The following TTC28 variants were observed in gnomAD, a reference collection of about 807,000 sequenced individuals.
TTC28 encodes the protein tetratricopeptide repeat domain 28.
In TTC28, 61 loss-of-function variants were observed where a neutral mutation model predicts 198.0. The observed-to-expected ratio is 0.31, with a 90% CI of 0.25 to 0.38. The LOEUF is 0.38. TTC28 is among the 10% of genes least tolerant of loss of function. The probability of loss-of-function intolerance (pLI) is 1.00; values close to 1 mark genes in which losing one functional copy is unlikely to be tolerated. For missense variants in TTC28, 2,678 were observed against 3,164.0 expected, an observed-to-expected ratio of 0.85 and a Z score of 3.69; for synonymous variants, 1,171 against 1,297.8, an observed-to-expected ratio of 0.90 and a Z score of 2.10.
intron 4 of TTC28, 53 bp from the exon 5 acceptor site, chr22:28,296,381 T>C: frequency 7.2e-7 from 1 of 1,386,740 alleles, no homozygotes; most frequent in Non-Finnish European, 9.5e-7. Flanking sequence ...GTTATAATGT[T>C]ATTTATAACA....
chr22:28,188,313 G>T (rs1222772832), intron 5 of TTC28, among the ~76,000 whole-genome samples: 1 of 152,128 alleles, frequency 6.6e-6, no homozygotes, highest in East Asian at 1.9e-4. Context: ...ATGGATAAAT[G>T]GTAGCTAATT....
rs534087458 is a variant in TTC28, at chr22:28,008,535, A to C, written c.4218+5713T>G. The C allele has an allele frequency of 9.8e-5, 15 of 152,372 alleles. No homozygotes were observed. The East Asian group carries it at 2.9e-3, about 29-fold the overall frequency. The allele number at this position is 152,372 out of a possible 1,614,324, so 9.4% of individuals were successfully genotyped here. ...ACCTGTCCTAGAACCTTGGTTTTTAAATTTAAATACAGGAAACAGGGAATT... is the reference window on the plus strand; with the variant it reads ...ACCTGTCCTAGAACCTTGGTTTTTACATTTAAATACAGGAAACAGGGAATT... On this transcript the variant is annotated intron_variant, in intron 14 of 22. Transcript: ENST00000397906.
At chr22:28,126,713 A>C (rs1463479936) in intron 6 of TTC28, among the ~76,000 whole-genome samples, 1 of 152,220 alleles carries the variant, frequency 6.6e-6, no homozygotes, top group African/African-American at 2.4e-5. Context: ...TTAATACTGC[A>C]GATGTCCTGA....
At chr22:28,151,517 C>T (rs1303370113) in intron 6 of TTC28, among the ~76,000 whole-genome samples, 3 of 152,192 alleles carry the variant, frequency 2.0e-5, no homozygotes, top group African/African-American at 4.8e-5. Flanking sequence ...ATCACAGCTC[C>T]TTTTAAATAG....
intron 14 of TTC28, chr22:28,007,401 A>G (rs1375924035): frequency 6.6e-6 from 1 of 152,122 alleles, no homozygotes; most frequent in Non-Finnish European, 1.5e-5. Flanking sequence ...AAAAGCGAAC[A>G]TTCAACCCAT....
chr22:28,555,958 T>G (rs2049778643), intron 2 of TTC28, among the ~76,000 whole-genome samples: 1 of 152,148 alleles, frequency 6.6e-6, no homozygotes, highest in Non-Finnish European at 1.5e-5. Context: ...TTGTTGCTCA[T>G]CATCATATAT....
chr22:28,029,431 G>C (rs1273792768), intron 13 of TTC28, among the ~76,000 whole-genome samples: 2 of 152,196 alleles, frequency 1.3e-5, no homozygotes. Flanking sequence ...CTGTGTTCTA[G>C]GGTCAACCAG....
intron 12 of TTC28, among the ~76,000 whole-genome samples, chr22:28,064,836 A>G (rs1360408352): frequency 6.6e-6 from 1 of 152,192 alleles, no homozygotes; most frequent in African/African-American, 2.4e-5. Context: ...TGGCAACTCC[A>G]GGGAGGAAAA....
At chr22:28,520,685 T>C (rs977971289) in intron 2 of TTC28, among the ~76,000 whole-genome samples, 2 of 152,036 alleles carry the variant, frequency 1.3e-5, no homozygotes, top group East Asian at 3.9e-4. Context: ...TTAAGCCCAG[T>C]AGTTCAAGGC....
intron 12 of TTC28, among the ~76,000 whole-genome samples, chr22:28,057,689 T>C (rs552661620): frequency 2.6e-5 from 4 of 152,312 alleles, no homozygotes; most frequent in African/African-American, 9.6e-5. Flanking sequence ...TCAGAAATAT[T>C]CTCTTCCATG....
Position 28,677,423 on chromosome 22 carries a change from G to A in TTC28, c.102+2199C>T, listed in dbSNP as rs550581939. On this transcript the variant is annotated intron_variant, in intron 1 of 22. Transcript: ENST00000397906. ...GCACTTTGGGAAGACGAGGCAGGTG[G>A]ATCACCAGAGGCCAGGAGTTCCAGA... Among the ~76,000 whole-genome samples the A allele has an allele frequency of 2.0e-4, 30 of 152,106 alleles. 1 individual carries two copies. Among genetic ancestry groups the A allele is most frequent in the African/African-American group, 7.0e-4 (29 of 41,494 alleles).
intron 2 of TTC28, among the ~76,000 whole-genome samples, chr22:28,563,508 A>C (rs1207858724): frequency 6.6e-6 from 1 of 152,194 alleles, no homozygotes; most frequent in Non-Finnish European, 1.5e-5. Context: ...CCAAAGATTA[A>C]TCCAAAGAAG....
chr22:28,578,073 G>T (rs530841484), intron 2 of TTC28, among the ~76,000 whole-genome samples: 1 of 151,768 alleles, frequency 6.6e-6, no homozygotes, highest in East Asian at 1.9e-4. Flanking sequence ...TTTAAGTGAC[G>T]GTGATTTCCT....
intron 2 of TTC28, among the ~76,000 whole-genome samples, chr22:28,430,781 T>G (rs2047418256): frequency 6.6e-6 from 1 of 151,918 alleles, no homozygotes; most frequent in South Asian, 2.1e-4. Flanking sequence ...AGAATAAGCA[T>G]GTAAAAACCT....
intron 1 of TTC28, among the ~76,000 whole-genome samples, chr22:28,660,033 G>A (rs995485747): frequency 3.3e-5 from 5 of 152,016 alleles, no homozygotes; most frequent in Non-Finnish European, 5.9e-5. Context: ...GGGCTCAGGC[G>A]ATCCTCTCAT....
chr22:28,373,209 G>A (rs1206185598), intron 2 of TTC28, among the ~76,000 whole-genome samples: 2 of 151,606 alleles, frequency 1.3e-5, no homozygotes, highest in East Asian at 3.9e-4. Flanking sequence ...AAGATAGAGA[G>A]GAGATAAAAA....
intron 7 of TTC28, among the ~76,000 whole-genome samples, chr22:28,106,515 A>C (rs947471935): frequency 1.3e-5 from 2 of 152,084 alleles, no homozygotes; most frequent in Non-Finnish European, 2.9e-5. Flanking sequence ...GTAATACAAA[A>C]CTGTTAAAAC....
chr22:28,663,409 C>G (rs1371878836), intron 1 of TTC28, among the ~76,000 whole-genome samples: 1 of 148,778 alleles, frequency 6.7e-6, no homozygotes, highest in East Asian at 2.0e-4. Context: ...CTAGGGAGTG[C>G]CAGACAGTGG....
At chr22:28,511,411 G>A (rs892751614) in intron 2 of TTC28, among the ~76,000 whole-genome samples, 1 of 152,164 alleles carries the variant, frequency 6.6e-6, no homozygotes, top group Non-Finnish European at 1.5e-5. Flanking sequence ...ATGAGGAAAG[G>A]ATTCCCTATT....
Sources: allele counts gnomAD v4.1 joint callset (sites outside exome capture counted in the v4.1 genomes callset), GRCh38; gene constraint gnomAD v4.1.1; transcripts MANE v1.5; gene names NCBI Gene and HGNC (gene_info 2026-07-23, HGNC 2026-07-21).